BROX: variants seen among roughly 807,000 people sequenced by gnomAD.
The protein encoded by BROX is BRO1 domain-containing protein BROX.
A neutral mutation model predicts 61.0 loss-of-function variants in BROX; 53 were observed. That is an observed-to-expected ratio of 0.87 (90% confidence interval 0.70 to 1.09). The LOEUF (loss-of-function observed/expected upper bound fraction) is 1.09. Ranked by LOEUF, BROX falls within the 50% of genes least tolerant of loss-of-function variation. The pLI, the probability that BROX is intolerant of heterozygous loss-of-function variation, is 0.00. For missense variants in BROX, 489 were observed against 472.0 expected, an observed-to-expected ratio of 1.04 and a Z score of -0.33; for synonymous variants, 152 against 160.2, an observed-to-expected ratio of 0.95 and a Z score of 0.38.
At chr1:222,714,882 A>C (rs1365313721) in intron 1 of BROX, among the ~76,000 whole-genome samples, 1 of 152,030 alleles carries the variant, frequency 6.6e-6, no homozygotes, top group Admixed American at 6.6e-5. Flanking sequence ...GCCCAGCCCA[A>C]TGTTTTCATT....
rs375501816 is a variant in BROX, at chr1:222,712,655, A to G, written c.-304A>G. 61 of 1,311,834 alleles carry G rather than the reference A, an allele frequency of 4.6e-5. No individual in the cohort carries two copies. The Middle Eastern group carries it at 1.4e-3, about 31-fold the overall frequency. 81.3% of individuals were successfully genotyped at this position (1,311,834 alleles called of 1,614,324 possible). A position where few individuals can be genotyped will look rare whatever the true frequency, so the allele number is the denominator to read the frequency against. On this transcript the variant is annotated 5_prime_UTR_variant, in exon 1 of 13. Transcript: ENST00000340934. The stretch of plus-strand genomic sequence containing the variant: ...TCTCTTCCTGTCTGGGAAAAAGACC[A>G]TAGCTCAAAAGGAAGGCCGAGGGAG...
intron 8 of BROX, among the ~76,000 whole-genome samples, chr1:222,727,830 A>G (rs546750117): frequency 1.3e-5 from 2 of 152,362 alleles, no homozygotes; most frequent in East Asian, 1.9e-4. Context: ...TGGGCATGCT[A>G]AAGAAGGACT....
chr1:222,732,855 T>C lies in BROX; in HGVS notation c.*141T>C, dbSNP rs1223048865. 1.5e-6 allele frequency: 1 copy of C among 649,056 alleles called. No homozygotes were observed. The highest frequency in any genetic ancestry group is 2.6e-6 in the Non-Finnish European group (1 of 386,550). The allele number at this position is 649,056 out of a possible 1,614,324, so 40.2% of individuals were successfully genotyped here. ...GGGTTATCTGCCTTCAGCTTACTTG[T>C]TCTTAATTTTTAATACAGCGGAGAT... On this transcript the variant is annotated 3_prime_UTR_variant, in exon 13 of 13. Coordinates refer to ENST00000340934, the MANE Select transcript of BROX (RefSeq NM_144695.4).
In BROX at chr1:222,719,356, C is replaced by T. The variant is rs1342639119; in HGVS notation, c.302C>T (p.Pro101Leu). 1 of 1,596,230 alleles carries T rather than the reference C, an allele frequency of 6.3e-7. No individual in the cohort carries two copies. The highest frequency in any genetic ancestry group is 8.6e-7 in the Non-Finnish European group (1 of 1,164,484). The change falls in exon 4 of 13, where the codon CCA becomes CTA. Residue 101 changes from proline (P) to leucine (L), a missense_variant. By Grantham distance (98) the Pro-to-Leu change is moderately conservative (BLOSUM62 -3). Transcript: ENST00000340934. ...ACTGATACATTGCAAGGACAGGTTC[C>T]AAGGTAAGCAACACTAAAGTAATAC... ...KWTDTLQGQVPSAQQDAVFEL... is the reference protein window; with the variant it reads ...KWTDTLQGQVLSAQQDAVFEL...
chr1:222,714,979 T>C (rs1354824566), intron 1 of BROX, among the ~76,000 whole-genome samples: 5 of 152,236 alleles, frequency 3.3e-5, no homozygotes, highest in African/African-American at 1.2e-4. Flanking sequence ...TACATTTTAT[T>C]GTAGAACACA....
chr1:222,723,209 G>A (rs1298037418), intron 5 of BROX, among the ~76,000 whole-genome samples: 1 of 152,214 alleles, frequency 6.6e-6, no homozygotes, highest in East Asian at 1.9e-4. Context: ...GTGTATCTAT[G>A]TGTTTCTTAA....
At chr1:222,717,416 T>C (rs1656716130) in intron 2 of BROX, among the ~76,000 whole-genome samples, 1 of 152,192 alleles carries the variant, frequency 6.6e-6, no homozygotes, top group Non-Finnish European at 1.5e-5. Flanking sequence ...CTGAGGTACA[T>C]TTTTCTCAAA....
In BROX at chr1:222,733,490, C is replaced by T. The variant is rs531564864; in HGVS notation, c.*776C>T. The T allele has an allele frequency of 6.6e-6, 1 of 152,160 alleles. No individual in the cohort carries two copies. Among genetic ancestry groups the T allele is most frequent in the Non-Finnish European group, 1.5e-5 (1 of 68,026 alleles). The allele number at this position is 152,160 out of a possible 1,614,324, so 9.4% of individuals were successfully genotyped here. ...TAACAGAGATAGTTTTTCCGTTTCTCCATTGTGTTAATCAGAGCGCAGACT... is the reference window on the plus strand; with the variant it reads ...TAACAGAGATAGTTTTTCCGTTTCTTCATTGTGTTAATCAGAGCGCAGACT... On this transcript the variant is annotated 3_prime_UTR_variant, in exon 13 of 13. Transcript: ENST00000340934.
chr1:222,723,882 C>T (rs1657295047), intron 5 of BROX, among the ~76,000 whole-genome samples: 1 of 152,210 alleles, frequency 6.6e-6, no homozygotes, highest in African/African-American at 2.4e-5. Flanking sequence ...TGGTCTCAAA[C>T]TTCTGGCCTC....
At chr1:222,724,239 AT>A in intron 6 of BROX, 75 bp downstream of exon 6, 1 of 1,195,404 alleles carries the variant, frequency 8.4e-7, no homozygotes, top group South Asian at 1.4e-5. Flanking sequence ...TTGGGAGGAT[AT>A]GGGGAAAGAA....
intron 2 of BROX, 85 bp from the exon 3 acceptor site, chr1:222,718,839 GC>G: frequency 9.6e-7 from 1 of 1,039,066 alleles, no homozygotes; most frequent in Non-Finnish European, 1.5e-6. Context: ...GTGTTTTAAA[GC>G]TTTTACATTG....
chr1:222,725,056 G>A (rs1247920485), intron 6 of BROX, among the ~76,000 whole-genome samples: 1 of 152,114 alleles, frequency 6.6e-6, no homozygotes, highest in Non-Finnish European at 1.5e-5. Flanking sequence ...GCCTCCCAAA[G>A]TGCTGGGATT....
rs1558242214 is a variant in BROX at position 222,734,727 on chromosome 1, C to G, written c.*2013C>G. On this transcript the variant is annotated 3_prime_UTR_variant, in exon 13 of 13. Coordinates refer to ENST00000340934, the MANE Select transcript of BROX (RefSeq NM_144695.4). ...ACAAAACTTTAAACAGTACTTGATG[C>G]CAGCTCTCTACTCTGTGGCTGTGGG... The G allele has an allele frequency of 6.6e-6, 1 of 152,160 alleles. No individual in the cohort carries two copies. The highest frequency in any genetic ancestry group is 1.5e-5 in the Non-Finnish European group (1 of 68,024). 9.4% of individuals were successfully genotyped at this position (152,160 alleles called of 1,614,324 possible).
At chr1:222,722,107 AG>A (rs1657145804) in intron 4 of BROX, among the ~76,000 whole-genome samples, 1 of 152,164 alleles carries the variant, frequency 6.6e-6, no homozygotes, top group African/African-American at 2.4e-5. Context: ...GCCCCATCCC[AG>A]GCTTTCCGAC....
In BROX at chr1:222,719,040, T is replaced by G. The variant is rs1488266869; in HGVS notation, c.208+9T>G. On this transcript the variant is annotated intron_variant, in intron 3 of 12. Coordinates refer to ENST00000340934, the MANE Select transcript of BROX (RefSeq NM_144695.4). ...TTTCTCACTTTTACAAGGTTAGTTA[T>G]TTATATGAACTTGAGGTTTTTTAAA... The G allele has an allele frequency of 1.9e-6, 3 of 1,597,954 alleles. No homozygotes were observed. Among genetic ancestry groups the G allele is most frequent in the Non-Finnish European group, 2.6e-6 (3 of 1,171,082 alleles).
At chr1:222,720,667 G>T (rs1657016134) in intron 4 of BROX, among the ~76,000 whole-genome samples, 1 of 151,918 alleles carries the variant, frequency 6.6e-6, no homozygotes, top group Admixed American at 6.6e-5. Flanking sequence ...ACAAAAATTA[G>T]CTACGTGTGG....
intron 11 of BROX, 58 bp downstream of exon 11, chr1:222,730,235 A>G: frequency 2.6e-6 from 3 of 1,162,502 alleles, no homozygotes; most frequent in Non-Finnish European, 3.4e-6. Flanking sequence ...TGATTATATT[A>G]AAATATTAAT....
At position 222,733,075 on chromosome 1, in the gene BROX, T is replaced by TCTTTTTTTTTTTTTTTTTTTTTTTTC. The variant is rs1658066857; in HGVS notation, c.*383_*384insTTTCCTTTTTTTTTTTTTTTTTTTTT. ...CTTTTTTCTTTTTCTTTTTTTTTTT[T>TCTTTTTTTTTTTTTTTTTTTTTTTTC]CTTTTTTTTTTTTTTTTTTTTTGAG... is the stretch of plus-strand genomic sequence containing the variant. On this transcript the variant is annotated 3_prime_UTR_variant, in exon 13 of 13. Coordinates refer to ENST00000340934, the MANE Select transcript of BROX (RefSeq NM_144695.4). 1 of 142,254 alleles carries TCTTTTTTTTTTTTTTTTTTTTTTTTC rather than the reference T, an allele frequency of 7.0e-6. No homozygotes were observed. The highest frequency in any genetic ancestry group is 2.7e-5 in the African/African-American group (1 of 36,438). 8.8% of individuals were successfully genotyped at this position (142,254 alleles called of 1,614,324 possible).
Position 222,731,474 on chromosome 1 carries a change from A to G in BROX, c.1107A>G (p.Thr369=). Residue 369 remains threonine, a synonymous_variant, in exon 12 of 13, where the codon ACA becomes ACG. Transcript: ENST00000340934. ...PPTSVQWTPE[T]LAAFDLTKRP... ...CAAGTGTTCAGTGGACACCAGAAAC[A>G]TTGGCTGCATTTGATCTCACCAAAA... 1 of 1,602,462 alleles carries G rather than the reference A, an allele frequency of 6.2e-7. No homozygotes were observed. The highest frequency in any genetic ancestry group is 1.1e-5 in the South Asian group (1 of 88,230).
Sources: allele counts gnomAD v4.1 joint callset (sites outside exome capture counted in the v4.1 genomes callset), GRCh38; gene constraint gnomAD v4.1.1; transcripts MANE v1.5; gene names NCBI Gene and HGNC (gene_info 2026-07-23, HGNC 2026-07-21).